LRRC28: variants seen among roughly 807,000 people sequenced by gnomAD.
LRRC28 encodes leucine rich repeat containing 28.
In LRRC28, 39 loss-of-function variants were observed where a neutral mutation model predicts 45.7. The observed-to-expected ratio is 0.85, with a 90% CI of 0.66 to 1.12. LRRC28 has a LOEUF of 1.12. Ranked by LOEUF, LRRC28 falls within the 50% of genes most tolerant of loss-of-function variation. LRRC28 has a pLI of 0.00. For missense variants in LRRC28, 435 were observed against 438.5 expected, an observed-to-expected ratio of 0.99 and a Z score of 0.07; for synonymous variants, 206 against 178.8, an observed-to-expected ratio of 1.15 and a Z score of -1.22.
chr15:99,266,759 A>G (rs917499247), intron 2 of LRRC28, among the ~76,000 whole-genome samples: 2 of 152,222 alleles, frequency 1.3e-5, no homozygotes, highest in South Asian at 2.1e-4. Flanking sequence ...TTAAAATATG[A>G]TAGCAGCTAG....
intron 9 of LRRC28, among the ~76,000 whole-genome samples, chr15:99,379,092 G>A (rs1957736148): frequency 6.6e-6 from 1 of 152,094 alleles, no homozygotes; most frequent in South Asian, 2.1e-4. Context: ...CTGTTGATTG[G>A]AATAGTTTCA....
At position 99,329,178 on chromosome 15, in the gene LRRC28, G is replaced by A. The variant is rs370047767; in HGVS notation, c.386-4745G>A. 8.5e-4 allele frequency among the ~76,000 whole-genome samples: 130 copies of A among 152,252 alleles called. 3 individuals carry two copies. In the South Asian group the frequency reaches 0.026, roughly 30 times the overall value. On this transcript the variant is annotated intron_variant, in intron 5 of 9. Transcript: ENST00000301981. ...AAACGCTGAGATAAATTAAGTGTAT[G>A]AGGCTACTTAATGGTAAAAGATAAA...
At chr15:99,302,369 G>A (rs1284936095) in intron 5 of LRRC28, among the ~76,000 whole-genome samples, 4 of 151,232 alleles carry the variant, frequency 2.6e-5, no homozygotes, top group Non-Finnish European at 5.9e-5. Context: ...TTGTGTGGGT[G>A]TGTGTTTTTG....
chr15:99,266,176 G>T (rs545738828), intron 2 of LRRC28, among the ~76,000 whole-genome samples: 2 of 152,246 alleles, frequency 1.3e-5, no homozygotes, highest in Non-Finnish European at 2.9e-5. Context: ...CCTGAATTGG[G>T]CTGGGAAATG....
At chr15:99,338,246 C>T (rs1285071392) in intron 6 of LRRC28, 1 of 151,812 alleles carries the variant, frequency 6.6e-6, no homozygotes, top group Non-Finnish European at 1.5e-5. Context: ...GAATTCAGTT[C>T]TGTGTTTAGG....
At chr15:99,347,173 G>A (rs1204381539) in intron 6 of LRRC28, among the ~76,000 whole-genome samples, 2 of 150,230 alleles carry the variant, frequency 1.3e-5, no homozygotes, top group Non-Finnish European at 2.9e-5. Flanking sequence ...ACATGATAAC[G>A]CCTGTTTCAA....
intron 6 of LRRC28, 43 bp from the exon 7 acceptor site, chr15:99,352,326 G>T: frequency 8.1e-7 from 1 of 1,236,590 alleles, no homozygotes; most frequent in Non-Finnish European, 1.2e-6. Context: ...CATTATAATG[G>T]TGCCTGTATA....
In LRRC28 at chr15:99,339,120, G is replaced by A. The variant is rs183467624; in HGVS notation, c.592+4991G>A. ...TCAGAGAACTGCAACTCATTTCTTG[G>A]CTTCTGAAAGTGTAGGGAGATATAA... On this transcript the variant is annotated intron_variant, in intron 6 of 9. Coordinates refer to ENST00000301981, the MANE Select transcript of LRRC28 (RefSeq NM_144598.5). Among the ~76,000 whole-genome samples, 19 of 152,290 alleles carry A rather than the reference G, an allele frequency of 1.2e-4. No homozygotes were observed. In the East Asian group the frequency reaches 3.7e-3, roughly 29 times the overall value.
At chr15:99,259,184 C>T in intron 2 of LRRC28, 2 of 1,130,294 alleles carry the variant, frequency 1.8e-6, no homozygotes, top group East Asian at 2.3e-5. Flanking sequence ...CATTACTAGC[C>T]TACACCAGGA....
chr15:99,287,233 GT>G lies in LRRC28; in HGVS notation c.210-16del, dbSNP rs142398124. The G allele has an allele frequency of 3.8e-6, 6 of 1,560,086 alleles. No individual in the cohort carries two copies. The highest frequency in any genetic ancestry group is 3.9e-5 in the Admixed American group (2 of 51,808). Reference sequence around the variant, plus strand: ...GCAAAAGTACTTAATGATAATGGCTGTTTTTTTTCTTTTTCCTTCCTAGATA... The same window carrying G: ...GCAAAAGTACTTAATGATAATGGCTGTTTTTTTCTTTTTCCTTCCTAGATA... On this transcript the variant is annotated intron_variant, in intron 3 of 9. Coordinates refer to ENST00000301981, the MANE Select transcript of LRRC28 (RefSeq NM_144598.5).
Position 99,335,703 on chromosome 15 carries a change from C to G in LRRC28, c.592+1574C>G, listed in dbSNP as rs570979222. On this transcript the variant is annotated intron_variant, in intron 6 of 9. Coordinates refer to ENST00000301981, the MANE Select transcript of LRRC28 (RefSeq NM_144598.5). The stretch of plus-strand genomic sequence containing the variant: ...TTTTTACCCCCCTCACATTCACCCC[C>G]TCTCCTTGTGGTAAGTACCTAAGCT... Among the ~76,000 whole-genome samples the G allele has an allele frequency of 1.4e-4, 22 of 152,152 alleles. No individual in the cohort carries two copies. The East Asian group carries it at 2.7e-3, about 19-fold the overall frequency.
intron 5 of LRRC28, among the ~76,000 whole-genome samples, chr15:99,306,458 G>A (rs959682640): frequency 1.3e-5 from 2 of 152,068 alleles, no homozygotes; most frequent in African/African-American, 4.8e-5. Context: ...ATGATATATT[G>A]TTTCCTTTTC....
chr15:99,385,868 A>T lies in LRRC28; in HGVS notation c.1032-162A>T, dbSNP rs1028362010. Among the ~76,000 whole-genome samples the T allele has an allele frequency of 4.6e-5, 7 of 152,106 alleles. 1 individual carries two copies. The highest frequency in any genetic ancestry group is 7.3e-5 in the Non-Finnish European group (5 of 68,032). ...CATTCACATGTACATACTTCACCTGATTCCAGTGCTCAGTTTGAAAAGGAA... is the reference window on the plus strand; with the variant it reads ...CATTCACATGTACATACTTCACCTGTTTCCAGTGCTCAGTTTGAAAAGGAA... On this transcript the variant is annotated intron_variant, in intron 9 of 9. Transcript: ENST00000301981.
chr15:99,352,498 A>G (rs768927994), intron 7 of LRRC28, 27 bp downstream of exon 7: 59 of 1,551,124 alleles, frequency 3.8e-5, no homozygotes, highest in Middle Eastern at 1.7e-4. Context: ...ATTTTGAACT[A>G]AAAAATAGAT....
chr15:99,302,193 A>G (rs986746489), intron 5 of LRRC28, among the ~76,000 whole-genome samples: 1 of 150,360 alleles, frequency 6.7e-6, no homozygotes, highest in Non-Finnish European at 1.5e-5. Flanking sequence ...TGCCTGGCTA[A>G]TTTTTTTGTA....
intron 5 of LRRC28, among the ~76,000 whole-genome samples, chr15:99,323,789 T>C (rs1208320000): frequency 6.6e-6 from 1 of 152,262 alleles, no homozygotes; most frequent in East Asian, 1.9e-4. Context: ...TTGAATTATA[T>C]GGGATATTTT....
At chr15:99,341,210 C>A (rs978652094) in intron 6 of LRRC28, among the ~76,000 whole-genome samples, 3 of 151,460 alleles carry the variant, frequency 2.0e-5, no homozygotes, top group African/African-American at 7.3e-5. Context: ...CCTGCCTCAG[C>A]CTCCCGAGTA....
chr15:99,378,828 A>C (rs1334231181), intron 9 of LRRC28, among the ~76,000 whole-genome samples: 1 of 152,102 alleles, frequency 6.6e-6, no homozygotes. Flanking sequence ...TTCTGTTTAT[A>C]TGATGGATTA....
At chr15:99,310,948 A>G (rs1955384783) in intron 5 of LRRC28, among the ~76,000 whole-genome samples, 1 of 152,166 alleles carries the variant, frequency 6.6e-6, no homozygotes, top group Non-Finnish European at 1.5e-5. Flanking sequence ...TTTCAGCAAT[A>G]TATTTACACC....
Sources: allele counts gnomAD v4.1 joint callset (sites outside exome capture counted in the v4.1 genomes callset), GRCh38; gene constraint gnomAD v4.1.1; transcripts MANE v1.5; gene names NCBI Gene and HGNC (gene_info 2026-07-23, HGNC 2026-07-21).